Variants in MYO1B observed in about 807,000 individuals in gnomAD.
MYO1B encodes unconventional myosin-Ib.
Under a neutral mutation model 159.7 loss-of-function variants are expected in MYO1B, and 72 were observed. The ratio of observed to expected loss-of-function variants is 0.45; its 90% CI spans 0.37 to 0.55. The LOEUF is 0.55. MYO1B is among the 20% of genes least tolerant of loss of function. MYO1B has a pLI of 0.00. For synonymous variants in MYO1B, 468 were observed against 473.8 expected, an observed-to-expected ratio of 0.99 and a Z score of 0.16; for missense variants, 1,062 against 1,364.8, an observed-to-expected ratio of 0.78 and a Z score of 3.50.
chr2:191,247,695 T>C (rs1018466890), intron 1 of MYO1B, among the ~76,000 whole-genome samples: 3 of 152,268 alleles, frequency 2.0e-5, no homozygotes, highest in African/African-American at 7.2e-5. Context: ...TTTTATAAAA[T>C]ACAACACGAT....
At chr2:191,356,556 C>T (rs531670472) in intron 7 of MYO1B, among the ~76,000 whole-genome samples, 1 of 151,906 alleles carries the variant, frequency 6.6e-6, no homozygotes, top group Admixed American at 6.6e-5. Context: ...CATACGTTTA[C>T]CATGAAAAAA....
chr2:191,418,637 G>GCAC (rs1235548337), intron 30 of MYO1B, among the ~76,000 whole-genome samples: 1 of 151,906 alleles, frequency 6.6e-6, no homozygotes, highest in East Asian at 1.9e-4. Flanking sequence ...TTACAGGCAT[G>GCAC]CACCACCACG....
chr2:191,408,656 C>T (rs1268872372), intron 25 of MYO1B, among the ~76,000 whole-genome samples: 3 of 152,036 alleles, frequency 2.0e-5, no homozygotes, highest in Non-Finnish European at 4.4e-5. Flanking sequence ...TGGAGCCAGC[C>T]CCCACTGCCA....
chr2:191,250,777 A>T (rs1028667918), intron 1 of MYO1B, among the ~76,000 whole-genome samples: 1 of 152,112 alleles, frequency 6.6e-6, no homozygotes, highest in African/African-American at 2.4e-5. Flanking sequence ...AGCCTCAAAG[A>T]CCCCTTTGCT....
chr2:191,394,623 G>T (rs1446571684), intron 20 of MYO1B, among the ~76,000 whole-genome samples: 2 of 152,176 alleles, frequency 1.3e-5, no homozygotes, highest in African/African-American at 4.8e-5. Flanking sequence ...AGGAAATAGA[G>T]AACTGCCATA....
chr2:191,280,179 CT>C (rs1687973766), intron 2 of MYO1B, among the ~76,000 whole-genome samples: 1 of 152,118 alleles, frequency 6.6e-6, no homozygotes, highest in African/African-American at 2.4e-5. Flanking sequence ...TCTGTAGCAG[CT>C]GACGCTGGAA....
At chr2:191,409,012 C>T in intron 25 of MYO1B, 32 bp from the exon 26 acceptor site, 2 of 1,582,616 alleles carry the variant, frequency 1.3e-6, no homozygotes, top group Non-Finnish European at 1.7e-6. Flanking sequence ...GTATATTTTC[C>T]TCATGTAGTA....
chr2:191,407,563 A>G (rs897636000), intron 24 of MYO1B: 1 of 152,216 alleles, frequency 6.6e-6, no homozygotes, highest in Non-Finnish European at 1.5e-5. Flanking sequence ...GTGCTCTGAT[A>G]GCATTAAGTA....
At chr2:191,366,927 C>CCT (rs1694050204) in intron 11 of MYO1B, among the ~76,000 whole-genome samples, 1 of 151,742 alleles carries the variant, frequency 6.6e-6, no homozygotes, top group Non-Finnish European at 1.5e-5. Context: ...AGTTTGATCT[C>CCT]CTTAGCTCCA....
rs1408869305 is a variant in MYO1B, at chr2:191,423,858, G to C, written c.3309G>C (p.Gln1103His). The change falls in exon 31 of 31, where the codon CAG becomes CAC. Residue 1103 changes from glutamine to histidine, a missense_variant. By Grantham distance (24) the Gln-to-His change is conservative (BLOSUM62 0). This residue lies in a region of MYO1B where 609 missense variants were observed against 744.4 expected (regional missense o/e 0.82). Transcript: ENST00000392318. ...CTAGGTTCCTGGTACAGTTCAGACA[G>C]GACAAAGTATGTGTGAAGTTTATTC... ...ISDEFLVQFR[Q>H]DKVCVKFIQG... The C allele has an allele frequency of 6.2e-7, 1 of 1,613,880 alleles. No homozygotes were observed. The highest frequency in any genetic ancestry group is 2.2e-5 in the East Asian group (1 of 44,866).
intron 1 of MYO1B, among the ~76,000 whole-genome samples, chr2:191,248,213 C>T (rs1357985958): frequency 6.6e-6 from 1 of 152,138 alleles, no homozygotes; most frequent in Non-Finnish European, 1.5e-5. Flanking sequence ...ATTTTACATA[C>T]ATTACTATAT....
intron 2 of MYO1B, among the ~76,000 whole-genome samples, chr2:191,295,062 C>T (rs981583791): frequency 6.6e-6 from 1 of 151,830 alleles, no homozygotes. Context: ...TCTTTTTTTC[C>T]CCTTGTTTCT....
At chr2:191,291,977 A>C (rs1212436750) in intron 2 of MYO1B, among the ~76,000 whole-genome samples, 3 of 152,194 alleles carry the variant, frequency 2.0e-5, no homozygotes, top group African/African-American at 4.8e-5. Flanking sequence ...GACTGTGAAC[A>C]TTTGAGTTAT....
rs1559134229 is a variant in MYO1B at position 191,276,902 on chromosome 2, A to C, written c.7A>C (p.Lys3Gln). ...TCTTCTGCAGCTGGAGACCATGGCC[A>C]AAATGGAGGTGAAAACCTCACTTCT... The part of the protein sequence containing the change: MA[K>Q]MEVKTSLLDN... The change falls in exon 2 of 31, where the codon AAA (lysine) becomes CAA (glutamine). Residue 3 changes from lysine (K) to glutamine (Q), a missense_variant. Lys to Gln is a moderately conservative substitution (Grantham distance 53). Coordinates refer to ENST00000392318, the MANE Select transcript of MYO1B (RefSeq NM_001130158.3). 1.2e-6 allele frequency: 2 copies of C among 1,605,930 alleles called. No individual in the cohort carries two copies. The highest frequency in any genetic ancestry group is 1.7e-6 in the Non-Finnish European group (2 of 1,177,378).
chr2:191,325,751 G>A (rs960792369), intron 3 of MYO1B, among the ~76,000 whole-genome samples: 2 of 152,038 alleles, frequency 1.3e-5, no homozygotes, highest in African/African-American at 4.8e-5. Flanking sequence ...CCACTCTGAC[G>A]AACACTCTGA....
intron 3 of MYO1B, among the ~76,000 whole-genome samples, chr2:191,311,287 AG>A (rs1689987927): frequency 6.6e-6 from 1 of 152,220 alleles, no homozygotes; most frequent in African/African-American, 2.4e-5. Flanking sequence ...AGGCTGTTTT[AG>A]CACCTGGAGG....
chr2:191,359,090 G>GT (rs1402551449), intron 7 of MYO1B, among the ~76,000 whole-genome samples: 3 of 152,152 alleles, frequency 2.0e-5, no homozygotes, highest in Non-Finnish European at 4.4e-5. Context: ...TGCCCTGTGG[G>GT]TTTTTTCTTC....
In MYO1B at chr2:191,348,894, A is replaced by G. The variant is rs185659324; in HGVS notation, c.499-1268A>G. On this transcript the variant is annotated intron_variant, in intron 6 of 30. Transcript: ENST00000392318. ...TATCTCAAAGTAATCATGTGCTCCA[A>G]CTTCCCTCTCCAGCCTTGTTTCCCA... Among the ~76,000 whole-genome samples, 214 of 152,116 alleles carry G rather than the reference A, an allele frequency of 1.4e-3. 4 individuals are homozygous for G. Among genetic ancestry groups the G allele is most frequent in the Non-Finnish European group, 2.2e-4 (15 of 67,958 alleles).
At chr2:191,389,051 T>C (rs1040842338) in intron 17 of MYO1B, among the ~76,000 whole-genome samples, 8 of 152,220 alleles carry the variant, frequency 5.3e-5, no homozygotes, top group Non-Finnish European at 2.9e-5. Flanking sequence ...TTGAAAACAG[T>C]CTTCTTTTCC....
Sources: gnomAD v4.1 joint callset for allele counts (sites outside exome capture counted in the v4.1 genomes callset) on GRCh38, gnomAD v4.1.1 for gene constraint, gnomAD v4.1.1 regional missense constraint, MANE v1.5 for transcripts, NCBI Gene and HGNC (gene_info 2026-07-23, HGNC 2026-07-21) for gene names.